Variants in PCDHA8 observed in about 807,000 individuals in gnomAD.
PCDHA8 encodes protocadherin alpha-8.
Under a neutral mutation model 61.8 loss-of-function variants are expected in PCDHA8, and 53 were observed. The ratio of observed to expected loss-of-function variants is 0.86; its 90% CI spans 0.69 to 1.08. The LOEUF is 1.08. Ranked by LOEUF, PCDHA8 falls within the 50% of genes least tolerant of loss-of-function variation. The pLI is 0.00. For synonymous variants in PCDHA8, 618 were observed against 556.6 expected, an observed-to-expected ratio of 1.11 and a Z score of -1.55; for missense variants, 1,293 against 1,245.0, an observed-to-expected ratio of 1.04 and a Z score of -0.58.
rs567637148 is a variant in PCDHA8, at chr5:140,861,555, G to A, written c.2394+17840G>A. The A allele has an allele frequency of 2.5e-5, 10 of 403,260 alleles. No individual in the cohort carries two copies. The East Asian group carries it at 5.2e-4, about 21-fold the overall frequency. 25.0% of individuals were successfully genotyped at this position (403,260 alleles called of 1,614,324 possible). ...GTGCAGCATCCACCTGGAAGTGATC[G>A]TGGACAAGCTGCTACAGGTTTTCCA... On this transcript the variant is annotated intron_variant, in intron 1 of 3. Transcript: ENST00000531613.
chr5:140,963,766 A>G (rs574963836), intron 1 of PCDHA8, among the ~76,000 whole-genome samples: 1 of 152,372 alleles, frequency 6.6e-6, no homozygotes, highest in South Asian at 2.1e-4. Flanking sequence ...GTTGTATTTC[A>G]TGACGACAGC....
chr5:140,884,555 G>A (rs1554181729), intron 1 of PCDHA8: 1 of 1,614,098 alleles, frequency 6.2e-7, no homozygotes. Flanking sequence ...CTCTGGGGAG[G>A]GCCCGCATAA....
chr5:140,902,555 T>C (rs538054274), intron 1 of PCDHA8, among the ~76,000 whole-genome samples: 1 of 152,182 alleles, frequency 6.6e-6, no homozygotes, highest in Non-Finnish European at 1.5e-5. Flanking sequence ...TATACCCAGA[T>C]TTTTGAGGGT....
intron 1 of PCDHA8, among the ~76,000 whole-genome samples, chr5:140,973,232 G>GA (rs2096577680): frequency 6.6e-6 from 1 of 152,196 alleles, no homozygotes; most frequent in African/African-American, 2.4e-5. Flanking sequence ...ATAGTGACCT[G>GA]AAAGAGTTAA....
intron 1 of PCDHA8, among the ~76,000 whole-genome samples, chr5:140,976,765 C>T (rs1483381591): frequency 6.6e-6 from 1 of 152,172 alleles, no homozygotes; most frequent in Non-Finnish European, 1.5e-5. Context: ...CAGAAGCCTG[C>T]TAGACTCTGA....
intron 1 of PCDHA8, chr5:140,857,836 G>T: frequency 6.3e-7 from 1 of 1,597,926 alleles, no homozygotes; most frequent in Non-Finnish European, 8.6e-7. Context: ...TGCGCGCAGT[G>T]GACGCTGACT....
chr5:140,981,687 ATCAT>A (rs200213847), intron 2 of PCDHA8, among the ~76,000 whole-genome samples: 197 of 152,078 alleles, frequency 1.3e-3, no homozygotes, highest in African/African-American at 4.2e-3. Context: ...CCTCCCTTCC[ATCAT>A]TCATTCATTC....
chr5:140,879,002 AG>A (rs1278268880), intron 1 of PCDHA8, among the ~76,000 whole-genome samples: 2 of 152,270 alleles, frequency 1.3e-5, no homozygotes, highest in African/African-American at 4.8e-5. Context: ...AGTATGCCCT[AG>A]AAATCAGATA....
intron 3 of PCDHA8, among the ~76,000 whole-genome samples, chr5:141,003,070 G>A (rs1588007737): frequency 6.6e-6 from 1 of 152,232 alleles, no homozygotes; most frequent in South Asian, 2.1e-4. Flanking sequence ...AAATGCAGAT[G>A]AGGGTGAGTT....
At chr5:140,942,221 G>A (rs1238547021) in intron 1 of PCDHA8, among the ~76,000 whole-genome samples, 1 of 152,046 alleles carries the variant, frequency 6.6e-6, no homozygotes, top group African/African-American at 2.4e-5. Context: ...TATTTAAAAT[G>A]TGTAGGCAAA....
rs1554140329 is a variant in PCDHA8, at chr5:140,843,669, T to C, written c.2348T>C (p.Val783Ala). The change falls in exon 1 of 4, where the codon GTT becomes GCT. Residue 783 changes from valine (V) to alanine (A), a missense_variant. Physicochemically the swap from Val to Ala is moderately conservative, Grantham distance 64. Transcript: ENST00000531613. Reference sequence around the variant, plus strand: ...TGCCTTCCTCCTGATCTGGGATCAGTTGATGTAGGCGAAGAGCAAGATTTA... The same window carrying C: ...TGCCTTCCTCCTGATCTGGGATCAGCTGATGTAGGCGAAGAGCAAGATTTA... Reference protein sequence around the residue: ...SPCLPPDLGSVDVGEEQDLNV... With the variant: ...SPCLPPDLGSADVGEEQDLNV... The C allele has an allele frequency of 1.3e-6, 2 of 1,592,688 alleles. No homozygotes were observed. The highest frequency in any genetic ancestry group is 1.7e-6 in the Non-Finnish European group (2 of 1,162,584).
At chr5:141,007,527 C>T (rs1184006315) in intron 3 of PCDHA8, among the ~76,000 whole-genome samples, 1 of 152,070 alleles carries the variant, frequency 6.6e-6, no homozygotes, top group Non-Finnish European at 1.5e-5. Flanking sequence ...GATATCTCGC[C>T]ACTGCACTCC....
chr5:140,880,689 T>C lies in PCDHA8; in HGVS notation c.2394+36974T>C, dbSNP rs957358698. 1.2e-4 allele frequency among the ~76,000 whole-genome samples: 18 copies of C among 152,326 alleles called. No homozygotes were observed. In the South Asian group the frequency reaches 3.7e-3, roughly 32 times the overall value. Reference sequence around the variant, plus strand: ...AGAGTAAATTTGAAGAGAATAGTCATGGTTAAGTGACAATGTTGAGCAGCT... The same window carrying C: ...AGAGTAAATTTGAAGAGAATAGTCACGGTTAAGTGACAATGTTGAGCAGCT... On this transcript the variant is annotated intron_variant, in intron 1 of 3. Transcript: ENST00000531613.
At chr5:140,895,099 T>C (rs558310890) in intron 1 of PCDHA8, among the ~76,000 whole-genome samples, 1 of 152,326 alleles carries the variant, frequency 6.6e-6, no homozygotes, top group East Asian at 1.9e-4. Flanking sequence ...ATAGGGGTTT[T>C]TGCTACAAGA....
intron 1 of PCDHA8, chr5:140,869,254 G>C (rs2050982255): frequency 6.2e-7 from 1 of 1,613,494 alleles, no homozygotes; most frequent in African/African-American, 1.3e-5. Flanking sequence ...CATCGCGCAG[G>C]ACCTGGGGCT....
intron 1 of PCDHA8, among the ~76,000 whole-genome samples, chr5:140,974,827 G>A (rs1356890991): frequency 6.6e-6 from 1 of 152,182 alleles, no homozygotes; most frequent in Admixed American, 6.5e-5. Flanking sequence ...GCAACATAAT[G>A]ATTATTTTAA....
chr5:140,976,887 C>T (rs933700917), intron 1 of PCDHA8, among the ~76,000 whole-genome samples: 2 of 152,150 alleles, frequency 1.3e-5, no homozygotes, highest in Non-Finnish European at 2.9e-5. Flanking sequence ...AATTAGGATA[C>T]ATGCAACAGT....
intron 1 of PCDHA8, chr5:140,884,136 G>A (rs371124724): frequency 1.2e-6 from 2 of 1,613,282 alleles, no homozygotes; most frequent in Non-Finnish European, 1.7e-6. Flanking sequence ...ATCCCGTTCC[G>A]CGTGGGGCTG....
In PCDHA8 at chr5:140,856,910, A is replaced by G. The variant is rs782378927; in HGVS notation, c.2394+13195A>G. On this transcript the variant is annotated intron_variant, in intron 1 of 3. Coordinates refer to ENST00000531613, the MANE Select transcript of PCDHA8 (RefSeq NM_018911.3). ...ATTTAGCTCTTTGGTCCCACCCACG[A>G]TAAGAAGGAAATTTTGGATAAACGA... 4.4e-6 allele frequency: 7 copies of G among 1,596,308 alleles called. No individual in the cohort carries two copies. In the South Asian group the frequency reaches 4.4e-5, roughly 10 times the overall value.
Sources: gnomAD v4.1 joint callset for allele counts (sites outside exome capture counted in the v4.1 genomes callset) on GRCh38, gnomAD v4.1.1 for gene constraint, MANE v1.5 for transcripts, NCBI Gene and HGNC (gene_info 2026-07-23, HGNC 2026-07-21) for gene names.